The following ARSB variants were observed in gnomAD, a reference collection of about 807,000 sequenced individuals.
ARSB encodes the protein arylsulfatase B.
A neutral mutation model predicts 50.9 loss-of-function variants in ARSB; 41 were observed. The observed-to-expected ratio is 0.81, with a 90% CI of 0.63 to 1.04. The LOEUF (loss-of-function observed/expected upper bound fraction) is 1.04, where lower values mean the gene tolerates loss of function less well. ARSB is among the 50% of genes least tolerant of loss of function. ARSB has a pLI of 0.00. For synonymous variants in ARSB, 269 were observed against 284.8 expected, an observed-to-expected ratio of 0.94 and a Z score of 0.56; for missense variants, 672 against 693.3, an observed-to-expected ratio of 0.97 and a Z score of 0.35.
intron 5 of ARSB, among the ~76,000 whole-genome samples, chr5:78,878,062 C>T (rs1347919904): frequency 6.6e-6 from 1 of 151,836 alleles, no homozygotes; most frequent in East Asian, 1.9e-4. Flanking sequence ...ATAGAAACTG[C>T]CCAAAATGAA....
At chr5:78,838,800 G>A (rs999829371) in intron 6 of ARSB, among the ~76,000 whole-genome samples, 2 of 152,176 alleles carry the variant, frequency 1.3e-5, no homozygotes, top group South Asian at 2.1e-4. Context: ...TGAAGGAAAT[G>A]GTAAGGCTCT....
chr5:78,969,921 G>T (rs562862426), intron 1 of ARSB, among the ~76,000 whole-genome samples: 1 of 152,288 alleles, frequency 6.6e-6, no homozygotes, highest in African/African-American at 2.4e-5. Context: ...GCCTGGCTGA[G>T]TTATTTAACA....
rs886060791 is a variant in ARSB at position 78,779,228 on chromosome 5, A to G, written c.*1169T>C. The G allele has an allele frequency of 1.3e-5, 2 of 152,022 alleles. No homozygotes were observed. The highest frequency in any genetic ancestry group is 2.9e-5 in the Non-Finnish European group (2 of 68,016). The allele number at this position is 152,022 out of a possible 1,614,324, so 9.4% of individuals were successfully genotyped here. A position where few individuals can be genotyped will look rare whatever the true frequency, so the allele number is the denominator to read the frequency against. ...GGATTGAGAAAGGGCTGCAGGTGTC[A>G]AACTGCATCCTCTTTGCCAGACCCC... On this transcript the variant is annotated 3_prime_UTR_variant, in exon 8 of 8. Coordinates refer to ENST00000264914, the MANE Select transcript of ARSB (RefSeq NM_000046.5).
chr5:78,839,495 C>T (rs1407071070), intron 5 of ARSB, 69 bp from the exon 6 acceptor site: 4 of 1,382,282 alleles, frequency 2.9e-6, no homozygotes, highest in Non-Finnish European at 4.1e-6. Context: ...TTAATACTTC[C>T]CTTCCTTGTA....
chr5:78,908,765 G>A (rs1158911689), intron 4 of ARSB, among the ~76,000 whole-genome samples: 5 of 141,058 alleles, frequency 3.5e-5, no homozygotes, highest in African/African-American at 8.0e-5. Flanking sequence ...ATGCATCCAC[G>A]CTGGCTTTAT....
At chr5:78,968,090 T>G (rs1395596909) in intron 2 of ARSB, among the ~76,000 whole-genome samples, 1 of 152,100 alleles carries the variant, frequency 6.6e-6, no homozygotes, top group Non-Finnish European at 1.5e-5. Context: ...TATTATTTCT[T>G]ATTATCCTTC....
intron 6 of ARSB, among the ~76,000 whole-genome samples, chr5:78,829,754 A>C (rs1011757119): frequency 4.6e-5 from 7 of 152,246 alleles, no homozygotes; most frequent in Non-Finnish European, 1.0e-4. Context: ...TTCTGACAAG[A>C]TCAATAAATA....
chr5:78,849,870 A>G (rs1467988430), intron 5 of ARSB, among the ~76,000 whole-genome samples: 12 of 149,362 alleles, frequency 8.0e-5, no homozygotes, highest in East Asian at 2.0e-4. Context: ...TTTGTCTGTT[A>G]TTGGTGTATA....
rs1361180928 is a variant in ARSB, at chr5:78,780,543, C to T, written c.1456G>A (p.Asp486Asn). The T allele has an allele frequency of 6.2e-7, 1 of 1,613,958 alleles. No homozygotes were observed. The highest frequency in any genetic ancestry group is 8.5e-7 in the Non-Finnish European group (1 of 1,180,032). Residue 486 changes from aspartate to asparagine, a missense_variant, in exon 8 of 8, where the codon GAC (aspartate) becomes AAC (asparagine). By Grantham distance (23) the Asp-to-Asn change is conservative (BLOSUM62 1). Coordinates refer to ENST00000264914, the MANE Select transcript of ARSB (RefSeq NM_000046.5). ...DIDRDPEERH[D>N]LSREYPHIVT... ...ATGTGAGGATATTCTCTGGACAGGT[C>T]ATGTCTTTCTTCAGGGTCCCGATCA...
intron 6 of ARSB, among the ~76,000 whole-genome samples, chr5:78,812,637 T>C (rs1017662299): frequency 3.2e-5 from 3 of 93,316 alleles, no homozygotes; most frequent in African/African-American, 1.1e-4. Context: ...ACACATGATA[T>C]CACAATTTAG....
At chr5:78,975,599 G>A (rs973652505) in intron 1 of ARSB, among the ~76,000 whole-genome samples, 4 of 152,124 alleles carry the variant, frequency 2.6e-5, no homozygotes, top group Admixed American at 6.6e-5. Context: ...TCCCAGTTGA[G>A]GACCAGAGTT....
chr5:78,865,218 G>A (rs1250264300), intron 5 of ARSB, among the ~76,000 whole-genome samples: 1 of 152,166 alleles, frequency 6.6e-6, no homozygotes, highest in East Asian at 1.9e-4. Flanking sequence ...GGGCATCCAG[G>A]CATTTCCACA....
At chr5:78,798,169 T>C (rs1743246035) in intron 6 of ARSB, among the ~76,000 whole-genome samples, 1 of 152,152 alleles carries the variant, frequency 6.6e-6, no homozygotes, top group Admixed American at 6.5e-5. Flanking sequence ...ACAACAAAGA[T>C]AAGATTGGAA....
chr5:78,843,455 TA>T (rs1745314268), intron 5 of ARSB, among the ~76,000 whole-genome samples: 1 of 152,184 alleles, frequency 6.6e-6, no homozygotes, highest in Non-Finnish European at 1.5e-5. Flanking sequence ...GAAGAACTCT[TA>T]AAAAATACTG....
chr5:78,985,291 C>T lies in ARSB; in HGVS notation c.-43G>A, dbSNP rs1477833236. 7.9e-7 allele frequency: 1 copy of T among 1,259,594 alleles called. No individual in the cohort carries two copies. 78.0% of individuals were successfully genotyped at this position (1,259,594 alleles called of 1,614,324 possible). On this transcript the variant is annotated 5_prime_UTR_variant, in exon 1 of 8. Transcript: ENST00000264914. ...CCCAGCGCCTGTGGCGCCACCAGCCCCTTGTACCGCTGATAGAATGAGGAA... is the reference window on the plus strand; with the variant it reads ...CCCAGCGCCTGTGGCGCCACCAGCCTCTTGTACCGCTGATAGAATGAGGAA...
intron 6 of ARSB, among the ~76,000 whole-genome samples, chr5:78,817,530 C>T (rs1744043465): frequency 6.6e-6 from 1 of 151,954 alleles, no homozygotes; most frequent in Admixed American, 6.5e-5. Context: ...TCTGATAGGC[C>T]GGGCGCGGTG....
intron 4 of ARSB, among the ~76,000 whole-genome samples, chr5:78,926,842 TC>T (rs1750076446): frequency 6.6e-6 from 1 of 152,212 alleles, no homozygotes; most frequent in African/African-American, 2.4e-5. Flanking sequence ...TAATTTAAAA[TC>T]TTCTAGTGGC....
chr5:78,911,572 TAAAAAAAAAAAAAAAAAA>T (rs71001137), intron 4 of ARSB, among the ~76,000 whole-genome samples: 1,776 of 67,846 alleles, frequency 0.026, 55 homozygotes, highest in South Asian at 0.12. Context: ...AGACTCCCTC[TAAAAAAAAAAAAAAAAAA>T]AAAAAAAAAA....
intron 2 of ARSB, among the ~76,000 whole-genome samples, chr5:78,968,263 C>T (rs1460500068): frequency 1.3e-5 from 2 of 150,722 alleles, no homozygotes; most frequent in Non-Finnish European, 2.9e-5. Flanking sequence ...ATACATTCCA[C>T]AGGGAGAAAA....
Sources: allele counts gnomAD v4.1 joint callset (sites outside exome capture counted in the v4.1 genomes callset), GRCh38; gene constraint gnomAD v4.1.1; transcripts MANE v1.5; gene names NCBI Gene and HGNC (gene_info 2026-07-23, HGNC 2026-07-21).